GSG1L: variants seen among roughly 807,000 people sequenced by gnomAD.
GSG1L encodes the protein GSG1 like, also known as germ cell-specific gene 1-like protein.
Under a neutral mutation model 42.1 loss-of-function variants are expected in GSG1L, and 24 were observed. The ratio of observed to expected loss-of-function variants is 0.57; its 90% CI spans 0.41 to 0.80. The LOEUF is 0.80. Among genes scored for constraint, GSG1L ranks in the 30% least tolerant of loss-of-function variants. GSG1L has a pLI of 0.00. For missense variants in GSG1L, 445 were observed against 472.2 expected (o/e 0.94, Z 0.53); for synonymous variants, 215 against 203.5 (o/e 1.06, Z -0.48).
intron 1 of GSG1L, among the ~76,000 whole-genome samples, chr16:27,976,114 A>G (rs962790564): frequency 6.6e-6 from 1 of 152,128 alleles, no homozygotes; most frequent in African/African-American, 2.4e-5. Flanking sequence ...GTCTCTACAT[A>G]AAATACAAAA....
intron 6 of GSG1L, among the ~76,000 whole-genome samples, chr16:27,799,477 C>T (rs2144406151): frequency 6.6e-6 from 1 of 152,280 alleles, no homozygotes; most frequent in South Asian, 2.1e-4. Flanking sequence ...CCCAGGATAT[C>T]AAGGCTGCAG....
intron 2 of GSG1L, among the ~76,000 whole-genome samples, chr16:27,949,895 A>C (rs2084932211): frequency 6.6e-6 from 1 of 152,246 alleles, no homozygotes; most frequent in South Asian, 2.1e-4. Flanking sequence ...ACTGCATTCC[A>C]GCCTGGGCGA....
chr16:27,794,847 C>T (rs915176722), intron 6 of GSG1L, among the ~76,000 whole-genome samples: 5 of 152,032 alleles, frequency 3.3e-5, no homozygotes, highest in South Asian at 2.1e-4. Flanking sequence ...TAGGTGGGAG[C>T]GCCCTTCCCT....
At chr16:27,800,153 C>A (rs2082865184) in intron 6 of GSG1L, among the ~76,000 whole-genome samples, 1 of 152,288 alleles carries the variant, frequency 6.6e-6, no homozygotes, top group South Asian at 2.1e-4. Flanking sequence ...GCGCTCCCAG[C>A]AAATTGGCAT....
intron 3 of GSG1L, among the ~76,000 whole-genome samples, chr16:27,879,018 G>T (rs1174214431): frequency 6.6e-6 from 1 of 151,680 alleles, no homozygotes; most frequent in Non-Finnish European, 1.5e-5. Context: ...GAGGGAGGAG[G>T]AATTTGATCA....
At chr16:27,923,560 C>T (rs1327347267) in intron 2 of GSG1L, among the ~76,000 whole-genome samples, 1 of 152,104 alleles carries the variant, frequency 6.6e-6, no homozygotes, top group Non-Finnish European at 1.5e-5. Flanking sequence ...GCCTGGCCAA[C>T]ATGGCGAAAC....
chr16:28,024,175 C>T (rs558521940), intron 1 of GSG1L, among the ~76,000 whole-genome samples: 1 of 152,290 alleles, frequency 6.6e-6, no homozygotes, highest in South Asian at 2.1e-4. Flanking sequence ...CATAAATAAC[C>T]CCTTCAATGG....
At chr16:28,061,595 G>A (rs1250259705) in intron 1 of GSG1L, among the ~76,000 whole-genome samples, 1 of 152,178 alleles carries the variant, frequency 6.6e-6, no homozygotes, top group Non-Finnish European at 1.5e-5. Context: ...AGACATTACT[G>A]GGAGGCAGCA....
At position 27,912,190 on chromosome 16, in the gene GSG1L, G is replaced by A. The variant is rs368890023; in HGVS notation, c.398-27552C>T. Among the ~76,000 whole-genome samples, 82 of 152,242 alleles carry A rather than the reference G, an allele frequency of 5.4e-4. 1 individual carries two copies. In the South Asian group the frequency reaches 0.016, roughly 30 times the overall value. On this transcript the variant is annotated intron_variant, in intron 2 of 6. Coordinates refer to ENST00000447459, the MANE Select transcript of GSG1L (RefSeq NM_001109763.2). ...AGCTCCCAGCATGCCTCACAGCCAA[G>A]CCCACTTAAGGTCAGACAACTGGCA...
At chr16:27,938,776 T>C (rs545855368) in intron 2 of GSG1L, among the ~76,000 whole-genome samples, 1 of 152,178 alleles carries the variant, frequency 6.6e-6, no homozygotes, top group Non-Finnish European at 1.5e-5. Context: ...TGGTAGGAAG[T>C]GAGCAGAACG....
intron 1 of GSG1L, among the ~76,000 whole-genome samples, chr16:28,036,201 A>G (rs551353993): frequency 7.2e-4 from 110 of 152,154 alleles, no homozygotes; most frequent in African/African-American, 2.6e-3. Flanking sequence ...CTGGCTCCCC[A>G]CCACGTGGTC....
At chr16:28,056,933 C>G (rs531209860) in intron 1 of GSG1L, among the ~76,000 whole-genome samples, 1 of 152,160 alleles carries the variant, frequency 6.6e-6, no homozygotes, top group African/African-American at 2.4e-5. Context: ...TCCAGGAAGG[C>G]CTCACAAACT....
chr16:28,035,680 A>C (rs1055895748), intron 1 of GSG1L, among the ~76,000 whole-genome samples: 1 of 152,200 alleles, frequency 6.6e-6, no homozygotes, highest in African/African-American at 2.4e-5. Context: ...TTCAAGTCTT[A>C]CTCAAAGTTT....
intron 4 of GSG1L, among the ~76,000 whole-genome samples, chr16:27,829,452 C>A (rs953014791): frequency 3.9e-5 from 6 of 152,124 alleles, no homozygotes; most frequent in South Asian, 2.1e-4. Context: ...GAGATGGGGG[C>A]AGACACCCTA....
At chr16:27,916,387 C>G (rs1328443456) in intron 2 of GSG1L, among the ~76,000 whole-genome samples, 2 of 152,028 alleles carry the variant, frequency 1.3e-5, no homozygotes, top group African/African-American at 4.8e-5. Flanking sequence ...GCAATCACAG[C>G]TCAGTGCAGA....
At chr16:27,905,752 G>A (rs1458248179) in intron 2 of GSG1L, among the ~76,000 whole-genome samples, 3 of 152,094 alleles carry the variant, frequency 2.0e-5, no homozygotes, top group Non-Finnish European at 4.4e-5. Context: ...TGGCAGGGCG[G>A]GGCGGGGGAT....
At chr16:27,813,061 T>C (rs1330084456) in intron 5 of GSG1L, among the ~76,000 whole-genome samples, 2 of 152,192 alleles carry the variant, frequency 1.3e-5, no homozygotes, top group Non-Finnish European at 2.9e-5. Flanking sequence ...ATTACAGGTG[T>C]GAGCCACCGC....
At chr16:27,875,866 C>T (rs546894525) in intron 3 of GSG1L, among the ~76,000 whole-genome samples, 10 of 152,234 alleles carry the variant, frequency 6.6e-5, no homozygotes, top group Non-Finnish European at 1.2e-4. Context: ...CCATCCTCTC[C>T]GCATGGAGAG....
intron 1 of GSG1L, among the ~76,000 whole-genome samples, chr16:27,980,135 G>C (rs956370603): frequency 7.9e-5 from 12 of 152,142 alleles, no homozygotes; most frequent in East Asian, 1.9e-4. Context: ...AAAATCAAGG[G>C]GGGTGGCCAG....
Sources: gnomAD v4.1 joint callset for allele counts (sites outside exome capture counted in the v4.1 genomes callset) on GRCh38, gnomAD v4.1.1 for gene constraint, MANE v1.5 for transcripts, NCBI Gene and HGNC (gene_info 2026-07-23, HGNC 2026-07-21) for gene names.